Variants in MIB1 observed in about 807,000 individuals in gnomAD.
The protein encoded by MIB1 is MIB E3 ubiquitin protein ligase 1.
In MIB1, 278 loss-of-function variants were observed where a neutral mutation model predicts 124.5. That is an observed-to-expected ratio of 2.23 (90% CI 2.02 to 2.47). The LOEUF is 2.47. Among genes scored for constraint, MIB1 ranks in the 30% most tolerant of loss-of-function variants. The pLI is 0.00. For synonymous variants in MIB1, 446 were observed against 429.4 expected (o/e 1.04, Z -0.48); for missense variants, 957 against 1,254.4 (o/e 0.76, Z 3.58).
intron 19 of MIB1, 129 bp downstream of exon 19, chr18:21,857,372 C>G (rs1309883596): frequency 3.1e-6 from 2 of 640,760 alleles, no homozygotes; most frequent in Non-Finnish European, 5.6e-6. Context: ...CACAGTGGAA[C>G]AGGTATTGTT....
At chr18:21,786,934 G>A (rs2041442036) in intron 6 of MIB1, among the ~76,000 whole-genome samples, 1 of 151,646 alleles carries the variant, frequency 6.6e-6, no homozygotes, top group African/African-American at 2.4e-5. Context: ...GCCTTATTAG[G>A]GTTGGTCATT....
chr18:21,793,930 G>A, intron 7 of MIB1: 1 of 152,612 alleles, frequency 6.6e-6, no homozygotes, highest in Non-Finnish European at 1.5e-5. Context: ...TCAGGAGGCT[G>A]AGGCAGGAGG....
chr18:21,737,864 C>T (rs1044855816), upstream of MIB1, among the ~76,000 whole-genome samples: 1 of 152,128 alleles, frequency 6.6e-6, no homozygotes, highest in African/African-American at 2.4e-5. Flanking sequence ...TACGGGAGCA[C>T]CCAGATTCAT....
chr18:21,815,835 A>G (rs1427899134), intron 11 of MIB1, 22 bp downstream of exon 11: 1 of 1,599,708 alleles, frequency 6.3e-7, no homozygotes, highest in African/African-American at 1.3e-5. Context: ...AAAGAAACAC[A>G]TCCTGCAGGT....
At chr18:21,827,572 C>T (rs556812009) in intron 12 of MIB1, 167 of 152,166 alleles carry the variant, frequency 1.1e-3, no homozygotes, top group African/African-American at 3.9e-3. Flanking sequence ...AGGACCTATA[C>T]AGGTAAACTT....
intron 12 of MIB1, among the ~76,000 whole-genome samples, chr18:21,836,273 G>GTTT (rs34936609): frequency 6.7e-4 from 89 of 133,456 alleles, no homozygotes; most frequent in Non-Finnish European, 1.2e-3. Context: ...AAAACAAAAG[G>GTTT]TTTTTTTTTT....
At position 21,798,069 on chromosome 18, in the gene MIB1, AT is replaced by A. The variant is rs771938588; in HGVS notation, c.1093-8del. The A allele has an allele frequency of 3.7e-6, 6 of 1,611,604 alleles. No homozygotes were observed. In the African/African-American group the frequency reaches 4.0e-5, roughly 11 times the overall value. Reference sequence around the variant, plus strand: ...ACTTTAGACTTGGAAACATGAATCTATTTTTTTCCCCAAGACTTTAGGTAAA... The same window carrying A: ...ACTTTAGACTTGGAAACATGAATCTATTTTTTCCCCAAGACTTTAGGTAAA... On this transcript the variant is annotated splice_polypyrimidine_tract_variant and intron_variant, in intron 7 of 20. Coordinates refer to ENST00000261537, the MANE Select transcript of MIB1 (RefSeq NM_020774.4).
chr18:21,748,389 T>C (rs2040935194), intron 1 of MIB1, among the ~76,000 whole-genome samples: 8 of 80,846 alleles, frequency 9.9e-5, no homozygotes, highest in East Asian at 4.4e-4. Flanking sequence ...CCTCCCTCTC[T>C]CCCCCCTCCC....
chr18:21,860,705 G>C (rs369625774), intron 20 of MIB1, among the ~76,000 whole-genome samples: 14 of 152,074 alleles, frequency 9.2e-5, no homozygotes, highest in East Asian at 3.9e-4. Flanking sequence ...AGTAGTTAGC[G>C]GCCCAGGATA....
chr18:21,855,011 T>C (rs6508648), intron 18 of MIB1: 147,924 of 152,808 alleles, frequency 0.97, 71,814 homozygotes, highest in East Asian at 1. Flanking sequence ...AGATAGCATC[T>C]CTGGAAGAGG....
At chr18:21,790,092 CA>C (rs1421845548) in intron 6 of MIB1, among the ~76,000 whole-genome samples, 1 of 152,110 alleles carries the variant, frequency 6.6e-6, no homozygotes, top group Non-Finnish European at 1.5e-5. Flanking sequence ...ACAATGATTA[CA>C]ATTATGGTAA....
intron 11 of MIB1, among the ~76,000 whole-genome samples, chr18:21,818,681 A>C (rs112622894): frequency 6.6e-6 from 1 of 152,262 alleles, no homozygotes; most frequent in Non-Finnish European, 1.5e-5. Context: ...TCACGCCTGT[A>C]ATCCCAGCAC....
chr18:21,778,289 T>C, intron 5 of MIB1, 120 bp downstream of exon 5: 1 of 626,242 alleles, frequency 1.6e-6, no homozygotes, highest in Non-Finnish European at 2.7e-6. Context: ...GAGAAAAAAT[T>C]TTTTGGCTTT....
At chr18:21,809,240 A>G (rs1285502728) in intron 10 of MIB1, among the ~76,000 whole-genome samples, 16 of 152,264 alleles carry the variant, frequency 1.1e-4, no homozygotes, top group Admixed American at 2.6e-4. Flanking sequence ...GAATAAACCT[A>G]TAACTGGTAA....
At chr18:21,716,234 T>G (rs998774170) in intron 1 of MIB1, among the ~76,000 whole-genome samples, 5 of 152,126 alleles carry the variant, frequency 3.3e-5, no homozygotes, top group South Asian at 2.1e-4. Context: ...AAAACAATTA[T>G]CAGCCATGAA....
At chr18:21,707,610 G>A (rs1267101072) in intron 1 of MIB1, among the ~76,000 whole-genome samples, 1 of 152,158 alleles carries the variant, frequency 6.6e-6, no homozygotes, top group East Asian at 1.9e-4. Context: ...CCAGAAGGAA[G>A]AAACTCCAAA....
chr18:21,835,109 T>A (rs527757241), intron 12 of MIB1, among the ~76,000 whole-genome samples: 1 of 152,342 alleles, frequency 6.6e-6, no homozygotes, highest in Admixed American at 6.5e-5. Flanking sequence ...GTAAATCAAG[T>A]TGATTTTGCT....
chr18:21,822,640 G>A (rs894263890), intron 12 of MIB1, among the ~76,000 whole-genome samples: 3 of 152,060 alleles, frequency 2.0e-5, no homozygotes, highest in Non-Finnish European at 2.9e-5. Flanking sequence ...ATTACCAGTT[G>A]TAATTGCAAA....
In MIB1 at chr18:21,794,911, C is replaced by T. The variant is rs377652344; in HGVS notation, c.1093-3173C>T. 5.9e-5 allele frequency among the ~76,000 whole-genome samples: 9 copies of T among 151,908 alleles called. No homozygotes were observed. In the East Asian group the frequency reaches 1.4e-3, roughly 23 times the overall value. The stretch of plus-strand genomic sequence containing the variant: ...TGTGAGAATTCTTGTTCCCATGAGT[C>T]CTTTCTAAGTAATTTGCTAGATAAT... On this transcript the variant is annotated intron_variant, in intron 7 of 20. Transcript: ENST00000261537.
Sources: gnomAD v4.1 joint callset for allele counts (sites outside exome capture counted in the v4.1 genomes callset) on GRCh38, gnomAD v4.1.1 for gene constraint, MANE v1.5 for transcripts, NCBI Gene and HGNC (gene_info 2026-07-23, HGNC 2026-07-21) for gene names.